VSTM4: variants seen among roughly 807,000 people sequenced by gnomAD.
The protein encoded by VSTM4 is V-set and transmembrane domain containing 4.
In VSTM4, 20 loss-of-function variants were observed where a neutral mutation model predicts 36.4. The observed-to-expected ratio is 0.55, with a 90% CI of 0.39 to 0.80. The LOEUF (loss-of-function observed/expected upper bound fraction) is 0.80, where lower values mean the gene tolerates loss of function less well. VSTM4 is among the 30% of genes least tolerant of loss of function. The pLI, the probability that VSTM4 is intolerant of heterozygous loss-of-function variation, is 0.00. For missense variants in VSTM4, 392 were observed against 404.5 expected, an observed-to-expected ratio of 0.97 and a Z score of 0.26; for synonymous variants, 182 against 173.9, an observed-to-expected ratio of 1.05 and a Z score of -0.37.
chr10:49,077,261 C>T lies in VSTM4; in HGVS notation c.592G>A (p.Val198Ile), dbSNP rs757912827. 6.2e-7 allele frequency: 1 copy of T among 1,614,158 alleles called. No homozygotes were observed. The highest frequency in any genetic ancestry group is 1.1e-5 in the South Asian group (1 of 91,072). ...GILSILLFML[V>I]IVWQSVFNKR... is the part of the protein sequence containing the mutation. ...TTAAACACAGACTGCCAGACGATGA[C>T]CAGCATGAAGAGCAGAATGCTGAGG... The change falls in exon 4 of 8, where the codon GTC becomes ATC. Residue 198 changes from valine to isoleucine, a missense_variant. Transcript: ENST00000332853.
intron 1 of VSTM4, among the ~76,000 whole-genome samples, chr10:49,114,458 C>CTGG (rs1296462692): frequency 5.3e-5 from 8 of 152,182 alleles, no homozygotes; most frequent in African/African-American, 1.9e-4. Context: ...CCCAGCTCCA[C>CTGG]CACTTACAAG....
At chr10:49,096,814 C>T (rs941907579) in intron 2 of VSTM4, among the ~76,000 whole-genome samples, 4 of 151,942 alleles carry the variant, frequency 2.6e-5, no homozygotes, top group Admixed American at 2.0e-4. Context: ...GCCACCATGC[C>T]CGGCTAATTT....
chr10:49,051,480 C>T (rs1017040435), intron 5 of VSTM4, among the ~76,000 whole-genome samples: 8 of 151,126 alleles, frequency 5.3e-5, no homozygotes, highest in Admixed American at 4.6e-4. Context: ...ACTGCAACCT[C>T]CGCCTCCCGG....
chr10:49,110,883 A>C (rs146341372), intron 1 of VSTM4, among the ~76,000 whole-genome samples: 125 of 152,312 alleles, frequency 8.2e-4, no homozygotes, highest in African/African-American at 2.8e-3. Context: ...TGACAGCGTA[A>C]GCACACTAAT....
intron 7 of VSTM4, among the ~76,000 whole-genome samples, chr10:49,031,426 T>C (rs1843344006): frequency 6.6e-6 from 1 of 152,194 alleles, no homozygotes; most frequent in African/African-American, 2.4e-5. Flanking sequence ...ATACAGTAAA[T>C]GCTATACAAG....
intron 2 of VSTM4, among the ~76,000 whole-genome samples, chr10:49,095,954 A>C (rs1844563720): frequency 6.6e-6 from 1 of 152,152 alleles, no homozygotes; most frequent in African/African-American, 2.4e-5. Flanking sequence ...TTTAATCTAA[A>C]CTCTTCCAAG....
intron 7 of VSTM4, among the ~76,000 whole-genome samples, chr10:49,041,934 T>C (rs1843527225): frequency 6.6e-6 from 1 of 152,204 alleles, no homozygotes; most frequent in African/African-American, 2.4e-5. Flanking sequence ...GGTAAGAGAC[T>C]GGATTAGAAA....
chr10:49,028,648 A>T (rs77620811), intron 7 of VSTM4, among the ~76,000 whole-genome samples: 1 of 152,246 alleles, frequency 6.6e-6, no homozygotes, highest in Non-Finnish European at 1.5e-5. Context: ...TAACATTCTT[A>T]CTAAGAGAGG....
intron 7 of VSTM4, among the ~76,000 whole-genome samples, chr10:49,034,805 T>G (rs1431589167): frequency 1.3e-5 from 2 of 152,180 alleles, no homozygotes; most frequent in African/African-American, 4.8e-5. Context: ...ACTGAAAAAG[T>G]CTTTTAATAA....
intron 7 of VSTM4, among the ~76,000 whole-genome samples, chr10:49,020,533 TAAAC>T (rs916887048): frequency 5.9e-5 from 9 of 151,850 alleles, no homozygotes; most frequent in Admixed American, 1.3e-4. Flanking sequence ...ATAAGAGACA[TAAAC>T]AAAATGAAGG....
chr10:49,102,380 C>A, intron 2 of VSTM4: 1 of 982,360 alleles, frequency 1.0e-6, no homozygotes, highest in South Asian at 4.7e-5. Flanking sequence ...GTGATCCACC[C>A]ACCTCGGCCT....
chr10:49,077,976 A>T (rs1387514002), intron 3 of VSTM4, among the ~76,000 whole-genome samples: 1 of 149,002 alleles, frequency 6.7e-6, no homozygotes, highest in African/African-American at 2.5e-5. Flanking sequence ...AAAACCACAC[A>T]ATCCTGTTGG....
chr10:49,035,764 G>A (rs1015670761), intron 7 of VSTM4, among the ~76,000 whole-genome samples: 5 of 151,554 alleles, frequency 3.3e-5, no homozygotes, highest in Admixed American at 1.3e-4. Flanking sequence ...GTTGAGCCCA[G>A]GAGTTTGAGG....
intron 4 of VSTM4, among the ~76,000 whole-genome samples, chr10:49,065,508 G>A (rs775997937): frequency 3.3e-5 from 5 of 152,178 alleles, no homozygotes; most frequent in Non-Finnish European, 5.9e-5. Flanking sequence ...ACAAGCAGAG[G>A]TGTAAAAGAC....
At chr10:49,100,475 G>A (rs12777282) in intron 2 of VSTM4, among the ~76,000 whole-genome samples, 13,699 of 152,138 alleles carry the variant, frequency 0.09, 849 homozygotes, top group South Asian at 0.21. Flanking sequence ...ACATGTGTCT[G>A]CATAGCAGGA....
rs909339827 is a variant in VSTM4, at chr10:49,019,439, G to C, written c.*211C>G. The stretch of plus-strand genomic sequence containing the variant: ...CAGGGCTCAAACCCAGGCGCATCTT[G>C]TCCCGGGAGATCTGTCAAGAGCTGT... On this transcript the variant is annotated 3_prime_UTR_variant, in exon 8 of 8. Coordinates refer to ENST00000332853, the MANE Select transcript of VSTM4 (RefSeq NM_001031746.5). 1 of 489,502 alleles carries C rather than the reference G, an allele frequency of 2.0e-6. No homozygotes were observed. The highest frequency in any genetic ancestry group is 3.1e-6 in the Non-Finnish European group (1 of 319,366). 30.3% of individuals were successfully genotyped at this position (489,502 alleles called of 1,614,324 possible).
intron 3 of VSTM4, among the ~76,000 whole-genome samples, chr10:49,084,906 A>C (rs1590117422): frequency 6.6e-6 from 1 of 152,236 alleles, no homozygotes; most frequent in African/African-American, 2.4e-5. Context: ...CATGGGGACT[A>C]TCCTGTGTAT....
intron 4 of VSTM4, among the ~76,000 whole-genome samples, chr10:49,071,265 T>A (rs1214396386): frequency 1.3e-5 from 2 of 152,198 alleles, no homozygotes; most frequent in Non-Finnish European, 2.9e-5. Context: ...GAAGGTTGGA[T>A]TGTTGGAGCC....
chr10:49,112,872 T>C (rs1590144497), intron 1 of VSTM4, among the ~76,000 whole-genome samples: 2 of 152,240 alleles, frequency 1.3e-5, no homozygotes, highest in South Asian at 4.1e-4. Context: ...TTGAATAATG[T>C]CATGAAAAGG....
Sources: allele counts gnomAD v4.1 joint callset (sites outside exome capture counted in the v4.1 genomes callset), GRCh38; gene constraint gnomAD v4.1.1; transcripts MANE v1.5; gene names NCBI Gene and HGNC (gene_info 2026-07-23, HGNC 2026-07-21).